The following FBXO47 variants were observed in gnomAD, a reference collection of about 807,000 sequenced individuals.
FBXO47 encodes F-box only protein 47.
In FBXO47, 34 loss-of-function variants were observed where a neutral mutation model predicts 53.9. The ratio of observed to expected loss-of-function variants is 0.63; its 90% CI spans 0.48 to 0.84. The LOEUF is 0.84. Ranked by LOEUF, FBXO47 falls within the 40% of genes least tolerant of loss-of-function variation. FBXO47 has a pLI of 0.00. For synonymous variants in FBXO47, 165 were observed against 181.6 expected (o/e 0.91, Z 0.73); for missense variants, 485 against 541.3 (o/e 0.90, Z 1.03).
At chr17:38,941,186 T>A (rs941798675) in intron 9 of FBXO47, among the ~76,000 whole-genome samples, 4 of 151,646 alleles carry the variant, frequency 2.6e-5, no homozygotes, top group African/African-American at 7.3e-5. Flanking sequence ...TTATTTATTT[T>A]TTTGAGACAG....
intron 3 of FBXO47, among the ~76,000 whole-genome samples, chr17:38,960,300 G>A (rs1905761297): frequency 6.6e-6 from 1 of 151,588 alleles, no homozygotes; most frequent in Admixed American, 6.6e-5. Flanking sequence ...TAATAGATCA[G>A]GTAAGAATGA....
chr17:38,952,358 C>T (rs190718178), intron 5 of FBXO47, among the ~76,000 whole-genome samples: 31 of 152,154 alleles, frequency 2.0e-4, no homozygotes, highest in Non-Finnish European at 3.5e-4. Flanking sequence ...CAAGTCACTA[C>T]TGCCTTATGA....
rs1905595857 is a variant in FBXO47 at position 38,957,210 on chromosome 17, T to C, written c.396A>G (p.Glu132=). 2 of 1,611,862 alleles carry C rather than the reference T, an allele frequency of 1.2e-6. No individual in the cohort carries two copies. Among genetic ancestry groups the C allele is most frequent in the African/African-American group, 1.3e-5 (1 of 74,898 alleles). Residue 132 remains glutamate, a synonymous_variant, in exon 4 of 11, where the codon GAA becomes GAG. Transcript: ENST00000378079. The part of the protein sequence containing the change: ...KRCTLLLPTK[E]RLKYIHKILT... Reference sequence around the variant, plus strand: ...GTATCTTGTGAATGTATTTTAGCCTTTCCTTGGTGGGTAGCAGCAATGTGC... The same window carrying C: ...GTATCTTGTGAATGTATTTTAGCCTCTCCTTGGTGGGTAGCAGCAATGTGC...
At chr17:38,965,754 G>A (rs1205094856) in intron 1 of FBXO47, among the ~76,000 whole-genome samples, 11 of 136,928 alleles carry the variant, frequency 8.0e-5, no homozygotes, top group Admixed American at 2.2e-4. Flanking sequence ...ATGGTGGCAC[G>A]CGACTGTAGT....
chr17:38,956,529 A>G (rs1305848567), intron 4 of FBXO47, among the ~76,000 whole-genome samples: 3 of 151,568 alleles, frequency 2.0e-5, no homozygotes, highest in Non-Finnish European at 4.4e-5. Context: ...TGGAGGTTGC[A>G]GTGAGCCAAG....
At chr17:38,952,177 T>C (rs952393724) in intron 5 of FBXO47, among the ~76,000 whole-genome samples, 2 of 151,912 alleles carry the variant, frequency 1.3e-5, no homozygotes, top group Non-Finnish European at 2.9e-5. Flanking sequence ...ATACAAAAAA[T>C]TAGCTGGGCT....
intron 6 of FBXO47, 96 bp downstream of exon 6, chr17:38,951,485 C>A: frequency 1.1e-6 from 1 of 922,600 alleles, no homozygotes. Flanking sequence ...TGAGCCACTA[C>A]ACCTGGCCCA....
chr17:38,938,916 C>T (rs1904370188), intron 9 of FBXO47, among the ~76,000 whole-genome samples, 184 bp from the exon 10 acceptor site: 1 of 152,022 alleles, frequency 6.6e-6, no homozygotes, highest in Non-Finnish European at 1.5e-5. Context: ...TCAAATGGTA[C>T]AATTTTAATG....
intron 10 of FBXO47, among the ~76,000 whole-genome samples, chr17:38,937,718 A>G (rs1024588578): frequency 2.6e-5 from 4 of 151,722 alleles, no homozygotes; most frequent in Non-Finnish European, 4.4e-5. Context: ...CCCAGGCTGG[A>G]GTGCAGTGGC....
chr17:38,939,993 T>C (rs780300592), intron 9 of FBXO47, among the ~76,000 whole-genome samples: 1 of 151,976 alleles, frequency 6.6e-6, no homozygotes, highest in African/African-American at 2.4e-5. Context: ...CATCCTTAAT[T>C]GCCAATCTAA....
At chr17:38,957,698 CT>C (rs67243641) in intron 3 of FBXO47, among the ~76,000 whole-genome samples, 25,820 of 132,704 alleles carry the variant, frequency 0.19, 2,221 homozygotes, top group Middle Eastern at 0.31. Context: ...ACTGATTTTT[CT>C]TTTTTTTTTT....
chr17:38,939,931 T>C (rs1904434063), intron 9 of FBXO47, among the ~76,000 whole-genome samples: 1 of 151,072 alleles, frequency 6.6e-6, no homozygotes. Flanking sequence ...CCTCCCAAAG[T>C]GCTGGGATTA....
At chr17:38,960,326 G>GT (rs1905762790) in intron 3 of FBXO47, among the ~76,000 whole-genome samples, 1 of 151,676 alleles carries the variant, frequency 6.6e-6, no homozygotes. Context: ...TGAGAAAATG[G>GT]TAAGTATATC....
intron 1 of FBXO47, among the ~76,000 whole-genome samples, chr17:38,965,654 A>G (rs1410828060): frequency 1.4e-5 from 2 of 146,530 alleles, no homozygotes; most frequent in African/African-American, 5.1e-5. Flanking sequence ...CCGGTGGATC[A>G]CGAGGTCAGG....
chr17:38,946,980 A>C (rs1296606446), intron 6 of FBXO47, among the ~76,000 whole-genome samples: 1 of 112,084 alleles, frequency 8.9e-6, no homozygotes, highest in African/African-American at 3.0e-5. Context: ...AAATATATGT[A>C]AATATATATA....
intron 6 of FBXO47, among the ~76,000 whole-genome samples, chr17:38,946,443 T>A (rs180709866): frequency 1.1e-5 from 1 of 91,692 alleles, no homozygotes; most frequent in African/African-American, 5.6e-5. Context: ...TATATGAATA[T>A]ATATAACTAT....
At position 38,942,826 on chromosome 17, in the gene FBXO47, C is replaced by T. The variant is rs1301652599; in HGVS notation, c.1035G>A (p.Val345=). 6.2e-7 allele frequency: 1 copy of T among 1,613,758 alleles called. No individual in the cohort carries two copies. Among genetic ancestry groups the T allele is most frequent in the East Asian group, 2.2e-5 (1 of 44,882 alleles). ...ICFSFMASKA[V]NGRTIELARL... is the part of the protein sequence containing the mutation. Reference sequence around the variant, plus strand: ...TTGCCAGTTCAATGGTGCGTCCATTCACAGCTTTACTAGCCATGAAACTGA... The same window carrying T: ...TTGCCAGTTCAATGGTGCGTCCATTTACAGCTTTACTAGCCATGAAACTGA... The change falls in exon 9 of 11, where the codon GTG becomes GTA. Residue 345 remains valine (V), a synonymous_variant. Coordinates refer to ENST00000378079, the MANE Select transcript of FBXO47 (RefSeq NM_001008777.3).
chr17:38,957,181 G>A lies in FBXO47; in HGVS notation c.425C>T (p.Thr142Ile), dbSNP rs758171586. 1.3e-6 allele frequency: 2 copies of A among 1,592,142 alleles called. No individual in the cohort carries two copies. The highest frequency in any genetic ancestry group is 1.7e-5 in the Admixed American group (1 of 59,954). Residue 142 changes from threonine (T) to isoleucine (I), a missense_variant, in exon 4 of 11, where the codon ACA becomes ATA. Thr to Ile is a moderately conservative substitution (Grantham distance 89, BLOSUM62 -1). Coordinates refer to ENST00000378079, the MANE Select transcript of FBXO47 (RefSeq NM_001008777.3). ...ERLKYIHKILTEVSCFKFNGC... is the reference protein window; with the variant it reads ...ERLKYIHKILIEVSCFKFNGC... ...AATTTAGAAGTATGATCTTACTTCT[G>A]TGAGTATCTTGTGAATGTATTTTAG...
chr17:38,948,285 T>G (rs575883427), intron 6 of FBXO47, among the ~76,000 whole-genome samples: 22 of 146,582 alleles, frequency 1.5e-4, no homozygotes, highest in Non-Finnish European at 2.7e-4. Context: ...TGATCTCGGC[T>G]CATTGCAACC....
Sources: allele counts gnomAD v4.1 joint callset (sites outside exome capture counted in the v4.1 genomes callset), GRCh38; gene constraint gnomAD v4.1.1; transcripts MANE v1.5; gene names NCBI Gene and HGNC (gene_info 2026-07-23, HGNC 2026-07-21).